INSC: variants seen among roughly 807,000 people sequenced by gnomAD.
INSC encodes the protein INSC spindle orientation adaptor protein.
A neutral mutation model predicts 58.6 loss-of-function variants in INSC; 67 were observed. The ratio of observed to expected loss-of-function variants is 1.14; its 90% CI spans 0.94 to 1.40. INSC has a LOEUF of 1.40. INSC is among the 40% of genes most tolerant of loss of function. INSC has a pLI of 0.00. For missense variants in INSC, 714 were observed against 692.0 expected (o/e 1.03, Z -0.36); for synonymous variants, 262 against 276.1 (o/e 0.95, Z 0.51).
At chr11:15,250,695 C>G (rs1564929544), downstream of INSC, among the ~76,000 whole-genome samples, 1 of 152,154 alleles carries the variant, frequency 6.6e-6, no homozygotes, top group Non-Finnish European at 1.5e-5. Context: ...AAAGAAATTA[C>G]TCTCAAATTT....
intron 2 of INSC, among the ~76,000 whole-genome samples, chr11:15,169,054 T>A (rs1046826461): frequency 5.3e-5 from 8 of 152,196 alleles, no homozygotes; most frequent in African/African-American, 1.2e-4. Flanking sequence ...TTTGCTTGTG[T>A]CTGGATACAT....
intron 1 of INSC, among the ~76,000 whole-genome samples, chr11:15,118,773 A>C (rs745962931): frequency 7.2e-5 from 11 of 152,230 alleles, no homozygotes; most frequent in Non-Finnish European, 1.2e-4. Flanking sequence ...AAAAGCCAGT[A>C]AGAGCATTGT....
chr11:15,163,615 A>G (rs180802562), intron 2 of INSC, among the ~76,000 whole-genome samples: 7,326 of 151,998 alleles, frequency 0.048, 567 homozygotes, highest in African/African-American at 0.17. Context: ...TTTGAGATGG[A>G]GTCTTGCTCT....
intron 7 of INSC, among the ~76,000 whole-genome samples, chr11:15,208,743 T>A (rs564493457): frequency 4.4e-4 from 67 of 152,044 alleles, no homozygotes; most frequent in Non-Finnish European, 7.8e-4. Flanking sequence ...AGTGCAGCAG[T>A]GGGTTTGCAG....
intron 2 of INSC, among the ~76,000 whole-genome samples, chr11:15,150,032 C>A (rs2133750798): frequency 6.6e-6 from 1 of 152,346 alleles, no homozygotes; most frequent in South Asian, 2.1e-4. Flanking sequence ...AAAGATGTAG[C>A]TTGTGAAATC....
chr11:15,214,333 T>C (rs1194667846), intron 7 of INSC, among the ~76,000 whole-genome samples: 1 of 152,218 alleles, frequency 6.6e-6, no homozygotes, highest in Admixed American at 6.5e-5. Flanking sequence ...TAGGTCACTC[T>C]CCTGCTCCTA....
intron 1 of INSC, among the ~76,000 whole-genome samples, chr11:15,117,879 A>G (rs1364575624): frequency 1.3e-5 from 2 of 152,174 alleles, no homozygotes; most frequent in African/African-American, 2.4e-5. Context: ...GCTGGCTCAG[A>G]CAAGGGGGAT....
intron 7 of INSC, among the ~76,000 whole-genome samples, chr11:15,210,874 A>T (rs919334057): frequency 2.0e-5 from 3 of 152,110 alleles, no homozygotes; most frequent in Non-Finnish European, 4.4e-5. Context: ...GGTTTAGGGT[A>T]GAATTTGGTA....
At chr11:15,172,818 A>T (rs1470602015) in intron 2 of INSC, among the ~76,000 whole-genome samples, 1 of 151,886 alleles carries the variant, frequency 6.6e-6, no homozygotes, top group Admixed American at 6.6e-5. Flanking sequence ...TGGACAAGGG[A>T]GATGTGTGAG....
the INSC span, among the ~76,000 whole-genome samples, chr11:15,266,112 G>C: frequency 6.6e-6 from 1 of 151,850 alleles, no homozygotes. Flanking sequence ...ATCTCAAAAT[G>C]CTTCTTAGAT....
chr11:15,267,277 CT>C, the INSC span, among the ~76,000 whole-genome samples: 2 of 151,882 alleles, frequency 1.3e-5, no homozygotes, highest in Admixed American at 6.6e-5. Context: ...CAAAATATTT[CT>C]CTTCATGATC....
chr11:15,213,606 T>C (rs1044903415), intron 7 of INSC, among the ~76,000 whole-genome samples: 7 of 152,200 alleles, frequency 4.6e-5, no homozygotes, highest in Non-Finnish European at 1.0e-4. Context: ...GGAAATTATT[T>C]ACTCTATATA....
At chr11:15,168,733 A>T (rs1342073404) in intron 2 of INSC, among the ~76,000 whole-genome samples, 1 of 152,176 alleles carries the variant, frequency 6.6e-6, no homozygotes, top group Non-Finnish European at 1.5e-5. Context: ...ACACAAACTT[A>T]TGTTGTTAAA....
intron 8 of INSC, among the ~76,000 whole-genome samples, 174 bp from the exon 9 acceptor site, chr11:15,225,476 G>C (rs1284308838): frequency 6.6e-6 from 1 of 152,136 alleles, no homozygotes; most frequent in Admixed American, 6.5e-5. Context: ...AATCCCATTT[G>C]CCACCTGGGT....
chr11:15,266,794 C>G, the INSC span, among the ~76,000 whole-genome samples: 1 of 151,924 alleles, frequency 6.6e-6, no homozygotes, highest in Non-Finnish European at 1.5e-5. Flanking sequence ...ATTTTAACAT[C>G]CAATCCACTT....
At chr11:15,123,595 CT>C (rs1194894042) in intron 1 of INSC, among the ~76,000 whole-genome samples, 1 of 152,092 alleles carries the variant, frequency 6.6e-6, no homozygotes, top group Non-Finnish European at 1.5e-5. Flanking sequence ...ACCTTACCAT[CT>C]TCTGTACAAA....
At chr11:15,223,613 G>T (rs1449808219) in intron 8 of INSC, among the ~76,000 whole-genome samples, 1 of 152,214 alleles carries the variant, frequency 6.6e-6, no homozygotes, top group Non-Finnish European at 1.5e-5. Context: ...GGCAGCAATA[G>T]CAACTGAATG....
intron 2 of INSC, among the ~76,000 whole-genome samples, chr11:15,172,996 A>G (rs533254529): frequency 6.6e-6 from 1 of 152,366 alleles, no homozygotes; most frequent in South Asian, 2.1e-4. Context: ...GGGAATGTGA[A>G]GCATTGGGGT....
intron 10 of INSC, 32 bp from the exon 11 acceptor site, chr11:15,238,887 T>A (rs1852230565): frequency 6.2e-7 from 1 of 1,602,668 alleles, no homozygotes; most frequent in Non-Finnish European, 8.5e-7. Context: ...CATGCTGGGG[T>A]AGGTACCAAC....
Sources: allele counts gnomAD v4.1 joint callset (sites outside exome capture counted in the v4.1 genomes callset), GRCh38; gene constraint gnomAD v4.1.1; transcripts MANE v1.5; gene names NCBI Gene and HGNC (gene_info 2026-07-23, HGNC 2026-07-21).